The following SV2C variants were observed in gnomAD, a reference collection of about 807,000 sequenced individuals.
SV2C encodes the protein solute carrier family 22 member B3.
Under a neutral mutation model 79.7 loss-of-function variants are expected in SV2C, and 49 were observed. The ratio of observed to expected loss-of-function variants is 0.61; its 90% CI spans 0.49 to 0.78. The LOEUF (loss-of-function observed/expected upper bound fraction) is 0.78, where lower values mean the gene tolerates loss of function less well. Ranked by LOEUF, SV2C falls within the 30% of genes least tolerant of loss-of-function variation. The probability of loss-of-function intolerance (pLI) is 0.00; values close to 1 mark genes in which losing one functional copy is unlikely to be tolerated. For synonymous variants in SV2C, 334 were observed against 333.2 expected, an observed-to-expected ratio of 1.00 and a Z score of -0.03; for missense variants, 833 against 912.9, an observed-to-expected ratio of 0.91 and a Z score of 1.13.
chr5:75,943,126 G>A, the SV2C span, among the ~76,000 whole-genome samples: 2 of 152,188 alleles, frequency 1.3e-5, no homozygotes, highest in Non-Finnish European at 2.9e-5. Flanking sequence ...GAGAAAGCAA[G>A]ATCACATTCT....
At chr5:76,277,301 A>G (rs1321721416) in intron 4 of SV2C, among the ~76,000 whole-genome samples, 1 of 152,260 alleles carries the variant, frequency 6.6e-6, no homozygotes, top group Non-Finnish European at 1.5e-5. Flanking sequence ...TGAAATGTAT[A>G]TAGCAATTTT....
the SV2C span, among the ~76,000 whole-genome samples, chr5:75,988,353 C>T: frequency 7.9e-4 from 120 of 151,994 alleles, 1 homozygote; most frequent in Non-Finnish European, 1.3e-3. Context: ...GTAAACAAAG[C>T]TGTGTTGAAC....
At chr5:76,071,852 T>C in the SV2C span, among the ~76,000 whole-genome samples, 99 of 152,288 alleles carry the variant, frequency 6.5e-4, no homozygotes, top group Middle Eastern at 6.8e-3. Context: ...AGCAGGAAAA[T>C]AATTTAATAG....
chr5:75,934,885 CT>C, the SV2C span, among the ~76,000 whole-genome samples: 172 of 142,980 alleles, frequency 1.2e-3, no homozygotes, highest in Middle Eastern at 7.5e-3. Context: ...GCAAAGTTAA[CT>C]TTTTTTTTTT....
At chr5:75,929,370 A>G in the SV2C span, among the ~76,000 whole-genome samples, 1 of 151,900 alleles carries the variant, frequency 6.6e-6, no homozygotes, top group Non-Finnish European at 1.5e-5. Context: ...CTTCCAGATG[A>G]GCCCAGGGAG....
At chr5:76,136,507 G>T (rs1749074895) in intron 2 of SV2C, among the ~76,000 whole-genome samples, 1 of 151,126 alleles carries the variant, frequency 6.6e-6, no homozygotes. Flanking sequence ...AAATACACTT[G>T]TGATAAATTT....
chr5:76,131,874 A>G lies in SV2C; in HGVS notation c.124A>G (p.Thr42Ala), dbSNP rs749966669. ...TGTGGACCGAGCCCAGGATGAATAC[A>G]CCCAGAGGTCCTACAGTCGGTTCCA... is the stretch of plus-strand genomic sequence containing the variant. ...QAVDRAQDEY[T>A]QRSYSRFQDE... Residue 42 changes from threonine to alanine, a missense_variant, in exon 2 of 13, where the codon ACC becomes GCC. Thr to Ala is a moderately conservative substitution (Grantham distance 58). Transcript: ENST00000502798. 5.6e-6 allele frequency: 9 copies of G among 1,614,120 alleles called. No individual in the cohort carries two copies. In the South Asian group the frequency reaches 9.9e-5, roughly 18 times the overall value.
intron 12 of SV2C, among the ~76,000 whole-genome samples, chr5:76,320,600 A>C (rs1748797157): frequency 6.6e-6 from 1 of 152,198 alleles, no homozygotes; most frequent in South Asian, 2.1e-4. Context: ...ATTTCTAAAA[A>C]ACAGCAAAAA....
chr5:76,330,860 T>TTTGGGGG lies in SV2C; in HGVS notation c.*5313_*5314insTTGGGGG, dbSNP rs1554048529. Reference sequence around the variant, plus strand: ...CTCTAGAGCATTTTTTTTTTTTTTTTGGGCGGGGGGGCGGGGGACGGAGTC... The same window carrying TTTGGGGG: ...CTCTAGAGCATTTTTTTTTTTTTTTTTTGGGGGGGGCGGGGGGGCGGGGGACGGAGTC... On this transcript the variant is annotated 3_prime_UTR_variant, in exon 13 of 13. Coordinates refer to ENST00000502798, the MANE Select transcript of SV2C (RefSeq NM_014979.4). 4.4e-4 allele frequency: 6 copies of TTTGGGGG among 13,640 alleles called. No individual in the cohort carries two copies. The highest frequency in any genetic ancestry group is 1.6e-3 in the Admixed American group (2 of 1,240). The allele number at this position is 13,640 out of a possible 1,614,324, so 0.8% of individuals were successfully genotyped here.
chr5:75,905,805 G>C, the SV2C span, among the ~76,000 whole-genome samples: 4 of 151,596 alleles, frequency 2.6e-5, no homozygotes, highest in Admixed American at 1.3e-4. Flanking sequence ...CAAATATAAG[G>C]TATTGTTCTG....
chr5:76,239,985 C>T (rs1391186765), intron 4 of SV2C, among the ~76,000 whole-genome samples: 3 of 152,198 alleles, frequency 2.0e-5, no homozygotes, highest in East Asian at 1.9e-4. Flanking sequence ...ATATTTTCCT[C>T]CCTGTCTTAA....
chr5:75,976,446 T>G, the SV2C span, among the ~76,000 whole-genome samples: 1 of 151,870 alleles, frequency 6.6e-6, no homozygotes, highest in Non-Finnish European at 1.5e-5. Context: ...TAATTCATAA[T>G]TTTTTCTGTA....
chr5:76,353,138 T>A (rs1489040915), exon 13 of SV2C: 1 of 453,384 alleles, frequency 2.2e-6, no homozygotes, highest in Non-Finnish European at 4.4e-6. Context: ...AGACGCAGAG[T>A]CTTGCCATGT....
the SV2C span, among the ~76,000 whole-genome samples, chr5:76,045,529 T>A: frequency 3.3e-5 from 5 of 152,212 alleles, no homozygotes; most frequent in African/African-American, 1.2e-4. Flanking sequence ...ATGATATTAA[T>A]TCTTCCTATC....
chr5:75,859,547 G>C, the SV2C span, among the ~76,000 whole-genome samples: 23 of 152,158 alleles, frequency 1.5e-4, no homozygotes, highest in African/African-American at 4.8e-4. Context: ...TTTCTGGAGC[G>C]CCAGATGAGT....
intron 1 of SV2C, among the ~76,000 whole-genome samples, chr5:76,124,570 T>C (rs1748638696): frequency 1.3e-5 from 2 of 152,204 alleles, no homozygotes; most frequent in African/African-American, 4.8e-5. Flanking sequence ...ACTGTTAGAA[T>C]CATAGATGTA....
chr5:76,179,255 C>T (rs969278085), intron 2 of SV2C, among the ~76,000 whole-genome samples: 2 of 152,042 alleles, frequency 1.3e-5, no homozygotes, highest in Non-Finnish European at 2.9e-5. Flanking sequence ...AATGAGGATT[C>T]GTGGATAAGA....
the SV2C span, among the ~76,000 whole-genome samples, chr5:76,072,392 T>G: frequency 6.6e-6 from 1 of 152,206 alleles, no homozygotes; most frequent in African/African-American, 2.4e-5. Flanking sequence ...CAAAAAGCTG[T>G]TGTACTACAG....
At chr5:75,934,298 C>CTTTTTTTT in the SV2C span, among the ~76,000 whole-genome samples, 5 of 87,572 alleles carry the variant, frequency 5.7e-5, no homozygotes, top group African/African-American at 2.0e-4. Flanking sequence ...TTTTTTCTTT[C>CTTTTTTTT]TTTCTTTTTT....
Sources: allele counts gnomAD v4.1 joint callset (sites outside exome capture counted in the v4.1 genomes callset), GRCh38; gene constraint gnomAD v4.1.1; transcripts MANE v1.5; gene names NCBI Gene and HGNC (gene_info 2026-07-23, HGNC 2026-07-21).